GPHN: variants seen among roughly 807,000 people sequenced by gnomAD.
GPHN encodes gephyrin.
Under a neutral mutation model 95.5 loss-of-function variants are expected in GPHN, and 17 were observed. That is an observed-to-expected ratio of 0.18 (90% CI 0.12 to 0.27). GPHN has a LOEUF of 0.27. Among genes scored for constraint, GPHN ranks in the 10% least tolerant of loss-of-function variants. The probability of loss-of-function intolerance (pLI) is 1.00; values close to 1 mark genes in which losing one functional copy is unlikely to be tolerated. For synonymous variants in GPHN, 320 were observed against 322.5 expected (o/e 0.99, Z 0.08); for missense variants, 660 against 978.1 (o/e 0.67, Z 4.34).
chr14:66,771,405 C>A (rs1429780140), intron 2 of GPHN, among the ~76,000 whole-genome samples: 1 of 152,122 alleles, frequency 6.6e-6, no homozygotes, highest in Admixed American at 6.5e-5. Flanking sequence ...TAACAGATAA[C>A]CCTGAATTAA....
chr14:67,092,900 A>T (rs72715357), intron 12 of GPHN, among the ~76,000 whole-genome samples: 7,803 of 152,164 alleles, frequency 0.051, 219 homozygotes, highest in Middle Eastern at 0.068. Flanking sequence ...GATGAAGCTA[A>T]TCATCCTCTT....
the GPHN span, chr14:67,729,623 C>T: frequency 1.6e-6 from 1 of 623,066 alleles, no homozygotes. Context: ...GAAAACTTTG[C>T]AGCTTTCTGA....
chr14:67,095,270 T>G (rs1461530863), intron 12 of GPHN, among the ~76,000 whole-genome samples: 1 of 152,160 alleles, frequency 6.6e-6, no homozygotes, highest in Non-Finnish European at 1.5e-5. Context: ...TCAAAAAGGG[T>G]AATCCATGGA....
chr14:67,010,659 A>G (rs2153616047), intron 9 of GPHN, among the ~76,000 whole-genome samples: 1 of 152,274 alleles, frequency 6.6e-6, no homozygotes, highest in East Asian at 1.9e-4. Flanking sequence ...AAATTTTTCC[A>G]AGTAGGAATT....
At chr14:66,994,657 A>G (rs542632877) in intron 9 of GPHN, among the ~76,000 whole-genome samples, 2 of 152,338 alleles carry the variant, frequency 1.3e-5, no homozygotes, top group South Asian at 4.1e-4. Context: ...TGAAAGATAA[A>G]GTATTTCAGT....
At chr14:67,517,843 G>A in the GPHN span, among the ~76,000 whole-genome samples, 1 of 152,182 alleles carries the variant, frequency 6.6e-6, no homozygotes, top group Admixed American at 6.5e-5. Flanking sequence ...GCTAGTAAAG[G>A]CAAAATGCAG....
chr14:67,557,240 A>G, the GPHN span: 1 of 1,606,932 alleles, frequency 6.2e-7, no homozygotes, highest in Non-Finnish European at 8.5e-7. Context: ...AGTGATGGGA[A>G]GACACTATGA....
At chr14:67,397,799 G>A in the GPHN span, 12 of 1,612,116 alleles carry the variant, frequency 7.4e-6, no homozygotes, top group South Asian at 4.4e-5. Flanking sequence ...ATGAACCATC[G>A]CGCCTTCCAG....
At chr14:67,596,148 G>A in the GPHN span, among the ~76,000 whole-genome samples, 4 of 151,720 alleles carry the variant, frequency 2.6e-5, no homozygotes, top group East Asian at 3.9e-4. Flanking sequence ...TCATTGATTC[G>A]AGACAGAATT....
rs376872987 is a variant in GPHN, at chr14:66,811,565, C to G, written c.202-12909C>G. On this transcript the variant is annotated intron_variant, in intron 3 of 22. Coordinates refer to ENST00000478722, the MANE Select transcript of GPHN (RefSeq NM_020806.5). ...ATTCAGCAAAAAAAAAAAAAAGAAACAAAATATAAGAACAGGTTAAAATAT... is the reference window on the plus strand; with the variant it reads ...ATTCAGCAAAAAAAAAAAAAAGAAAGAAAATATAAGAACAGGTTAAAATAT... 4.3e-5 allele frequency among the ~76,000 whole-genome samples: 6 copies of G among 138,808 alleles called. No individual in the cohort carries two copies. In the East Asian group the frequency reaches 1.3e-3, roughly 31 times the overall value. 91.1% of individuals were successfully genotyped at this position (138,808 alleles called of 152,430 possible). A position where few individuals can be genotyped will look rare whatever the true frequency, so the allele number is the denominator to read the frequency against.
At chr14:66,670,879 G>C (rs1194896028) in intron 1 of GPHN, among the ~76,000 whole-genome samples, 1 of 152,088 alleles carries the variant, frequency 6.6e-6, no homozygotes, top group East Asian at 1.9e-4. Context: ...ATTGTACCTA[G>C]GTACTTATAA....
intron 17 of GPHN, among the ~76,000 whole-genome samples, chr14:67,130,792 T>G (rs1479442736): frequency 2.0e-5 from 3 of 152,170 alleles, no homozygotes; most frequent in African/African-American, 7.2e-5. Context: ...TAATAGCCAT[T>G]TGGACTGGTG....
At chr14:67,603,509 A>C in the GPHN span, among the ~76,000 whole-genome samples, 13,772 of 152,230 alleles carry the variant, frequency 0.09, 669 homozygotes, top group Middle Eastern at 0.12. Context: ...CTTTTTAGAG[A>C]GAGGGTGTTG....
chr14:67,514,577 C>T, the GPHN span, among the ~76,000 whole-genome samples: 1 of 152,060 alleles, frequency 6.6e-6, no homozygotes, highest in Non-Finnish European at 1.5e-5. Flanking sequence ...TGGCAGCGTT[C>T]CCTTCCCTTC....
intron 1 of GPHN, among the ~76,000 whole-genome samples, chr14:66,548,461 G>A (rs763787458): frequency 1.7e-4 from 26 of 152,114 alleles, no homozygotes; most frequent in Non-Finnish European, 3.1e-4. Flanking sequence ...GATTACAGGC[G>A]TGAGCCATTG....
the GPHN span, among the ~76,000 whole-genome samples, chr14:67,285,414 T>C: frequency 1.5e-4 from 23 of 148,934 alleles, no homozygotes; most frequent in Non-Finnish European, 2.7e-4. Flanking sequence ...TCGCCCAGGC[T>C]GGAGTGCAGT....
At chr14:67,465,637 C>A in the GPHN span, among the ~76,000 whole-genome samples, 1 of 152,310 alleles carries the variant, frequency 6.6e-6, no homozygotes, top group South Asian at 2.1e-4. Context: ...TAAGTGGGTA[C>A]AAAATGCAAG....
intron 1 of GPHN, among the ~76,000 whole-genome samples, chr14:66,605,960 G>A (rs2062514266): frequency 6.6e-6 from 1 of 152,080 alleles, no homozygotes; most frequent in Non-Finnish European, 1.5e-5. Context: ...GTTTACTGTT[G>A]ATAATTTATT....
intron 1 of GPHN, among the ~76,000 whole-genome samples, chr14:66,616,880 G>A (rs1199402800): frequency 6.6e-6 from 1 of 152,084 alleles, no homozygotes; most frequent in Non-Finnish European, 1.5e-5. Context: ...GCTAATTTTT[G>A]TATTTTTAGT....
Sources: allele counts gnomAD v4.1 joint callset (sites outside exome capture counted in the v4.1 genomes callset), GRCh38; gene constraint gnomAD v4.1.1; transcripts MANE v1.5; gene names NCBI Gene and HGNC (gene_info 2026-07-23, HGNC 2026-07-21).